TNFRSF8: variants seen among roughly 807,000 people sequenced by gnomAD.
The protein encoded by TNFRSF8 is tumor necrosis factor receptor superfamily member 8.
A neutral mutation model predicts 70.8 loss-of-function variants in TNFRSF8; 26 were observed. The observed-to-expected ratio is 0.37, with a 90% CI of 0.27 to 0.51. The LOEUF (loss-of-function observed/expected upper bound fraction) is 0.51. TNFRSF8 is among the 20% of genes least tolerant of loss of function. The pLI is 0.94. For missense variants in TNFRSF8, 720 were observed against 807.9 expected (o/e 0.89, Z 1.32); for synonymous variants, 356 against 339.2 (o/e 1.05, Z -0.54).
chr1:12,131,736 T>C (rs1484542756), intron 12 of TNFRSF8, among the ~76,000 whole-genome samples: 2 of 151,986 alleles, frequency 1.3e-5, no homozygotes, highest in Non-Finnish European at 2.9e-5. Context: ...TCAAGTGATC[T>C]GCCCACCTCG....
Position 12,112,152 on chromosome 1 carries a change from T to C in TNFRSF8, c.793+138T>C. ...TTTTCAGAGGGCTTCCATTGGCATA[T>C]TATTTCCTTCCAGGAAGCGTTTGTG... On this transcript the variant is annotated intron_variant, in intron 7 of 14. Transcript: ENST00000263932. The surrounding 1 kb of genome is among the most constrained non-coding windows in gnomAD (Gnocchi z 5.3). 1.6e-6 allele frequency: 1 copy of C among 612,318 alleles called. No individual in the cohort carries two copies. Among genetic ancestry groups the C allele is most frequent in the Admixed American group, 3.1e-5 (1 of 32,332 alleles). 37.9% of individuals were successfully genotyped at this position (612,318 alleles called of 1,614,324 possible).
chr1:12,099,254 G>A (rs776844791), intron 3 of TNFRSF8, among the ~76,000 whole-genome samples: 10 of 151,954 alleles, frequency 6.6e-5, no homozygotes, highest in Non-Finnish European at 1.5e-4. Context: ...GGATTCGAGC[G>A]ATTCTCCTGC....
rs1021943998 is a variant in TNFRSF8, at chr1:12,109,454, G to A, written c.422-112G>A. ...CGGGTGCCACCTCCAGATGACTGCT[G>A]TGTTTTCCAAGGGCCCCATCTCCGA... On this transcript the variant is annotated intron_variant, in intron 4 of 14. Transcript: ENST00000263932. This position sits in a 1 kb window ranked among gnomAD's most constrained non-coding sequence, Gnocchi z 4.4. The A allele has an allele frequency of 2.3e-5, 19 of 811,468 alleles. No individual in the cohort carries two copies. In the African/African-American group the frequency reaches 2.9e-4, roughly 12 times the overall value. 50.3% of individuals were successfully genotyped at this position (811,468 alleles called of 1,614,324 possible). A position where few individuals can be genotyped will look rare whatever the true frequency, so the allele number is the denominator to read the frequency against.
chr1:12,066,328 A>G (rs1640740503), intron 1 of TNFRSF8, among the ~76,000 whole-genome samples: 1 of 151,234 alleles, frequency 6.6e-6, no homozygotes, highest in Admixed American at 6.6e-5. Context: ...ATCCCAAATT[A>G]GGGCTTGAAT....
intron 3 of TNFRSF8, among the ~76,000 whole-genome samples, chr1:12,099,585 C>T (rs1289145776): frequency 1.3e-5 from 2 of 152,022 alleles, no homozygotes; most frequent in African/African-American, 4.8e-5. Flanking sequence ...ACCCAACTTA[C>T]AATTTTTTTG....
In TNFRSF8 at chr1:12,105,939, CA is replaced by C. The variant is rs748432437; in HGVS notation, c.421+1427del. Among the ~76,000 whole-genome samples the C allele has an allele frequency of 9.9e-3, 640 of 64,946 alleles. 4 individuals are homozygous for C. The highest frequency in any genetic ancestry group is 0.026 in the African/African-American group (489 of 18,748). The allele number at this position is 64,946 out of a possible 152,430, so 42.6% of individuals were successfully genotyped here. A position where few individuals can be genotyped will look rare whatever the true frequency, so the allele number is the denominator to read the frequency against. ...GGGTGACAAGAGCAAGACTCCGTCT[CA>C]AAAAAAAAAAAAAAAAAAGAAAACT... On this transcript the variant is annotated intron_variant, in intron 4 of 14. Transcript: ENST00000263932.
At chr1:12,120,020 C>CACCT (rs1173800587) in intron 8 of TNFRSF8, among the ~76,000 whole-genome samples, 1 of 152,144 alleles carries the variant, frequency 6.6e-6, no homozygotes. Context: ...ACCACCCACC[C>CACCT]ACCTCCTTCT....
chr1:12,065,467 C>T (rs778324964), intron 1 of TNFRSF8, among the ~76,000 whole-genome samples: 3 of 152,134 alleles, frequency 2.0e-5, no homozygotes, highest in Admixed American at 6.5e-5. Context: ...AAACTGTAAA[C>T]GCTACAGATA....
chr1:12,065,011 G>T (rs2100935561), intron 1 of TNFRSF8, among the ~76,000 whole-genome samples: 1 of 150,660 alleles, frequency 6.6e-6, no homozygotes, highest in South Asian at 2.1e-4. Flanking sequence ...TAGAGACAGG[G>T]TCTCACTCTG....
chr1:12,112,012 G>A lies in TNFRSF8; in HGVS notation c.791G>A (p.Arg264Gln), dbSNP rs750965725. The A allele has an allele frequency of 5.0e-6, 8 of 1,613,388 alleles. No homozygotes were observed. In the South Asian group the frequency reaches 6.6e-5, roughly 13 times the overall value. Residue 264 changes from arginine (R) to glutamine (Q), a missense_variant and splice_region_variant, in exon 7 of 15, where the codon CGA (arginine) becomes CAA (glutamine). Coordinates refer to ENST00000263932, the MANE Select transcript of TNFRSF8 (RefSeq NM_001243.5). The surrounding 1 kb of genome is among the most constrained non-coding windows in gnomAD (Gnocchi z 5.3). Reference sequence around the variant, plus strand: ...TGCACGGCCTGCGTGAGCTGTTCTCGAGGTAAGGGCCTCGTCCCTCCCCGG... The same window carrying A: ...TGCACGGCCTGCGTGAGCTGTTCTCAAGGTAAGGGCCTCGTCCCTCCCCGG... ...GRCTACVSCSRDDLVEKTPCA... is the reference protein window; with the variant it reads ...GRCTACVSCSQDDLVEKTPCA...
chr1:12,067,020 G>T (rs554258838), intron 1 of TNFRSF8, among the ~76,000 whole-genome samples: 2 of 152,212 alleles, frequency 1.3e-5, no homozygotes, highest in African/African-American at 4.8e-5. Context: ...GGTATTCTGA[G>T]GCAGGAATGC....
intron 1 of TNFRSF8, among the ~76,000 whole-genome samples, chr1:12,075,171 G>C (rs1640916406): frequency 6.6e-6 from 1 of 151,988 alleles, no homozygotes; most frequent in South Asian, 2.1e-4. Context: ...TTGAACCTGG[G>C]AGGCAGAGGT....
intron 1 of TNFRSF8, among the ~76,000 whole-genome samples, chr1:12,068,998 A>T (rs370280909): frequency 6.6e-6 from 1 of 151,234 alleles, no homozygotes; most frequent in South Asian, 2.1e-4. Context: ...CAGCCTCCCA[A>T]GTAGCTGGGA....
chr1:12,117,485 G>A (rs1279592565), intron 8 of TNFRSF8, among the ~76,000 whole-genome samples: 1 of 152,090 alleles, frequency 6.6e-6, no homozygotes, highest in East Asian at 1.9e-4. Flanking sequence ...CTTTACTTGG[G>A]TATTTGGAAG....
At chr1:12,121,111 C>T (rs1641821867) in intron 8 of TNFRSF8, among the ~76,000 whole-genome samples, 1 of 152,200 alleles carries the variant, frequency 6.6e-6, no homozygotes, top group Non-Finnish European at 1.5e-5. Flanking sequence ...TAAGTGTTCA[C>T]TGAAACCCAA....
rs1474863288 is a variant in TNFRSF8, at chr1:12,138,675, T to TA, written c.1543+245dup. Among the ~76,000 whole-genome samples the TA allele has an allele frequency of 2.0e-5, 3 of 152,078 alleles. No individual in the cohort carries two copies. The highest frequency in any genetic ancestry group is 4.8e-5 in the African/African-American group (2 of 41,398). On this transcript the variant is annotated intron_variant, in intron 14 of 14. Transcript: ENST00000263932. This position sits in a 1 kb window ranked among gnomAD's most constrained non-coding sequence, Gnocchi z 5.7. ...TGCATGAGATGCCTGCTGTTACTCA[T>TA]AAAAAACGAACACCACCCCAGCCCC...
At chr1:12,104,275 G>C (rs1641477672) in intron 3 of TNFRSF8, 104 bp from the exon 4 acceptor site, 1 of 1,259,156 alleles carries the variant, frequency 7.9e-7, no homozygotes, top group East Asian at 2.3e-5. Flanking sequence ...GGAGGCGGAG[G>C]CTGCGTTGCG....
At position 12,109,796 on chromosome 1, in the gene TNFRSF8, C is replaced by G; in HGVS notation, c.512+140C>G. The G allele has an allele frequency of 1.2e-6, 1 of 837,242 alleles. No individual in the cohort carries two copies. The highest frequency in any genetic ancestry group is 2.4e-5 in the Admixed American group (1 of 42,052). The allele number at this position is 837,242 out of a possible 1,614,324, so 51.9% of individuals were successfully genotyped here. A position where few individuals can be genotyped will look rare whatever the true frequency, so the allele number is the denominator to read the frequency against. ...CCCATGGTGTCAGCACTTTGGGGTGCCTCTCTGCCAAGCCCCTCAGATCAT... is the reference window on the plus strand; with the variant it reads ...CCCATGGTGTCAGCACTTTGGGGTGGCTCTCTGCCAAGCCCCTCAGATCAT... On this transcript the variant is annotated intron_variant, in intron 5 of 14. Coordinates refer to ENST00000263932, the MANE Select transcript of TNFRSF8 (RefSeq NM_001243.5). The surrounding 1 kb of genome is among the most constrained non-coding windows in gnomAD (Gnocchi z 4.4).
At chr1:12,091,766 G>A (rs1641251591) in intron 2 of TNFRSF8, among the ~76,000 whole-genome samples, 1 of 152,214 alleles carries the variant, frequency 6.6e-6, no homozygotes, top group Admixed American at 6.5e-5. Flanking sequence ...TTTGGCACCA[G>A]GGACTGGTTT....
Sources: gnomAD v4.1 joint callset for allele counts (sites outside exome capture counted in the v4.1 genomes callset) on GRCh38, gnomAD v4.1.1 for gene constraint, Gnocchi (gnomAD v3.1) non-coding constraint, MANE v1.5 for transcripts, NCBI Gene and HGNC (gene_info 2026-07-23, HGNC 2026-07-21) for gene names.